Variants in PDE4D observed in about 807,000 individuals in gnomAD.
PDE4D encodes phosphodiesterase 4D, also known as 3',5'-cyclic-AMP phosphodiesterase 4D.
Under a neutral mutation model 87.4 loss-of-function variants are expected in PDE4D, and 24 were observed. The observed-to-expected ratio is 0.27, with a 90% CI of 0.20 to 0.39. The LOEUF (loss-of-function observed/expected upper bound fraction) is 0.39. Among genes scored for constraint, PDE4D ranks in the 10% least tolerant of loss-of-function variants. The probability of loss-of-function intolerance (pLI) is 1.00; values close to 1 mark genes in which losing one functional copy is unlikely to be tolerated. For missense variants in PDE4D, 714 were observed against 1,041.0 expected, an observed-to-expected ratio of 0.69 and a Z score of 4.32; for synonymous variants, 384 against 383.2, an observed-to-expected ratio of 1.00 and a Z score of -0.02.
intron 2 of PDE4D, among the ~76,000 whole-genome samples, chr5:60,034,496 C>G (rs1767574470): frequency 6.6e-6 from 1 of 152,150 alleles, no homozygotes; most frequent in African/African-American, 2.4e-5. Flanking sequence ...TGCCTTTGAC[C>G]TTCCTGCCTC....
intron 1 of PDE4D, among the ~76,000 whole-genome samples, chr5:59,562,486 A>G (rs1026086949): frequency 2.6e-5 from 4 of 152,190 alleles, no homozygotes; most frequent in Non-Finnish European, 5.9e-5. Flanking sequence ...AAGGAAACTA[A>G]CCCTTTCAAA....
intron 3 of PDE4D, among the ~76,000 whole-genome samples, chr5:59,921,974 C>T (rs928033544): frequency 2.0e-5 from 3 of 152,102 alleles, no homozygotes; most frequent in African/African-American, 7.2e-5. Context: ...CTTGAATGGC[C>T]GATGCCACCC....
At chr5:59,101,678 T>C (rs1489330423) in intron 5 of PDE4D, among the ~76,000 whole-genome samples, 1 of 151,688 alleles carries the variant, frequency 6.6e-6, no homozygotes, top group Admixed American at 6.6e-5. Flanking sequence ...TTTTCCTGAC[T>C]GGCCAAGGAA....
intron 1 of PDE4D, among the ~76,000 whole-genome samples, chr5:60,385,761 C>T (rs968275125): frequency 3.3e-5 from 5 of 152,208 alleles, no homozygotes; most frequent in Admixed American, 3.3e-4. Flanking sequence ...ACTACTCCCC[C>T]TTCTCAGAAT....
At position 60,349,595 on chromosome 5, in the gene PDE4D, T is replaced by C. The variant is rs531515927; in HGVS notation, c.-90+138347A>G. On this transcript the variant is annotated intron_variant, in intron 1 of 16. Coordinates refer to the PDE4D transcript ENST00000502484. ...TACAAACGTCAATCCAATCACTTAC[T>C]TGGGCTGGAAGAAGGTAAGAGGACT... Among the ~76,000 whole-genome samples the C allele has an allele frequency of 6.5e-3, 985 of 152,268 alleles. 7 individuals carry two copies. The highest frequency in any genetic ancestry group is 0.011 in the Non-Finnish European group (743 of 68,004).
chr5:59,427,294 C>T (rs796599834), intron 1 of PDE4D, among the ~76,000 whole-genome samples: 5 of 49,910 alleles, frequency 1.0e-4, no homozygotes, highest in African/African-American at 5.1e-4. Context: ...TGATTTTATA[C>T]ACACACACAC....
chr5:59,218,644 A>G (rs1186713029), intron 1 of PDE4D, among the ~76,000 whole-genome samples: 1 of 152,126 alleles, frequency 6.6e-6, no homozygotes, highest in Non-Finnish European at 1.5e-5. Flanking sequence ...AAACAAGGAA[A>G]CTATTTTCTA....
At chr5:60,508,317 T>C (rs983420033) in intron 1 of PDE4D, among the ~76,000 whole-genome samples, 3 of 152,212 alleles carry the variant, frequency 2.0e-5, no homozygotes, top group Non-Finnish European at 2.9e-5. Context: ...TCTTCCATGA[T>C]CAATTGAGAA....
At chr5:60,060,769 A>G (rs1771307255) in intron 2 of PDE4D, among the ~76,000 whole-genome samples, 1 of 152,002 alleles carries the variant, frequency 6.6e-6, no homozygotes, top group African/African-American at 2.4e-5. Context: ...GCTTCCTTGA[A>G]CTTTGGGGGT....
chr5:60,462,492 G>A (rs1747027326), intron 1 of PDE4D, among the ~76,000 whole-genome samples: 1 of 152,092 alleles, frequency 6.6e-6, no homozygotes. Context: ...AGCCTGGAAT[G>A]GGATAAATCA....
chr5:60,236,833 A>G (rs532023745), intron 1 of PDE4D, among the ~76,000 whole-genome samples: 6 of 152,110 alleles, frequency 3.9e-5, no homozygotes, highest in African/African-American at 1.4e-4. Context: ...AGATGAGGAA[A>G]CAAATTCTCC....
At chr5:59,701,933 G>A (rs965186448) in intron 1 of PDE4D, among the ~76,000 whole-genome samples, 1 of 152,142 alleles carries the variant, frequency 6.6e-6, no homozygotes, top group South Asian at 2.1e-4. Flanking sequence ...TGGCATAAAG[G>A]TGTCAGGTGT....
At chr5:60,266,477 C>T (rs557727375) in intron 1 of PDE4D, among the ~76,000 whole-genome samples, 40 of 152,330 alleles carry the variant, frequency 2.6e-4, no homozygotes, top group African/African-American at 9.1e-4. Context: ...GCTCACTTTT[C>T]TTTCTTGGCA....
intron 3 of PDE4D, among the ~76,000 whole-genome samples, chr5:59,941,185 G>C (rs1277034217): frequency 3.3e-5 from 5 of 152,142 alleles, no homozygotes; most frequent in African/African-American, 1.2e-4. Context: ...TTTGCTATCA[G>C]GGAGGTACAT....
At chr5:59,338,661 G>C (rs942840685) in intron 1 of PDE4D, among the ~76,000 whole-genome samples, 1 of 152,206 alleles carries the variant, frequency 6.6e-6, no homozygotes, top group African/African-American at 2.4e-5. Context: ...AAGTATGGTA[G>C]ACATGAAAGG....
chr5:59,667,626 G>C (rs2150312698), intron 1 of PDE4D, among the ~76,000 whole-genome samples: 1 of 152,208 alleles, frequency 6.6e-6, no homozygotes, highest in South Asian at 2.1e-4. Context: ...CCGAACCTGA[G>C]AATCATCTTA....
chr5:60,495,375 A>G (rs554454604), intron 1 of PDE4D, among the ~76,000 whole-genome samples: 2 of 152,302 alleles, frequency 1.3e-5, no homozygotes, highest in Admixed American at 6.5e-5. Flanking sequence ...ACCTGCTAAA[A>G]TGGTAGATCC....
intron 1 of PDE4D, among the ~76,000 whole-genome samples, chr5:59,742,922 TTAGTC>T (rs1309747860): frequency 6.6e-6 from 1 of 152,152 alleles, no homozygotes; most frequent in African/African-American, 2.4e-5. Flanking sequence ...AATTACATAT[TTAGTC>T]AAGGTAGATT....
At chr5:59,262,240 T>G (rs557832800) in intron 1 of PDE4D, among the ~76,000 whole-genome samples, 3 of 152,034 alleles carry the variant, frequency 2.0e-5, no homozygotes, top group Middle Eastern at 6.8e-3. Context: ...AGAACAAGCT[T>G]AATAAACACT....
Sources: allele counts gnomAD v4.1 joint callset (sites outside exome capture counted in the v4.1 genomes callset), GRCh38; gene constraint gnomAD v4.1.1; transcripts MANE v1.5; gene names NCBI Gene and HGNC (gene_info 2026-07-23, HGNC 2026-07-21).